Variants in SRGAP3 observed in about 807,000 individuals in gnomAD.
The protein encoded by SRGAP3 is SLIT-ROBO Rho GTPase activating protein 3.
SRGAP3 carries 39 observed loss-of-function variants against 121.1 expected under a neutral mutation model. That is an observed-to-expected ratio of 0.32 (90% CI 0.25 to 0.42). SRGAP3 has a LOEUF of 0.42. Among genes scored for constraint, SRGAP3 ranks in the 10% least tolerant of loss-of-function variants. The pLI, the probability that SRGAP3 is intolerant of heterozygous loss-of-function variation, is 1.00. For synonymous variants in SRGAP3, 601 were observed against 570.0 expected (o/e 1.05, Z -0.77); for missense variants, 1,213 against 1,470.6 (o/e 0.82, Z 2.86).
chr3:9,262,910 G>A (rs144136185), intron 3 of SRGAP3, among the ~76,000 whole-genome samples: 1 of 152,114 alleles, frequency 6.6e-6, no homozygotes, highest in Non-Finnish European at 1.5e-5. Flanking sequence ...CAAATCAACA[G>A]AGTATACATT....
In SRGAP3 at chr3:8,985,429, G is replaced by A. The variant is rs1941628934; in HGVS notation, c.*90C>T. ...GACGGACCTCTGCCCTCCAAGGCCA[G>A]GGTCACTGGGAAGCACGTGGAAGCC... On this transcript the variant is annotated 3_prime_UTR_variant, in exon 22 of 22. Coordinates refer to ENST00000383836, the MANE Select transcript of SRGAP3 (RefSeq NM_014850.4). The surrounding 1 kb of genome is among the most constrained non-coding windows in gnomAD (Gnocchi z 5.1). 6.4e-7 allele frequency: 1 copy of A among 1,573,050 alleles called. No homozygotes were observed. Among genetic ancestry groups the A allele is most frequent in the Non-Finnish European group, 8.6e-7 (1 of 1,166,872 alleles).
At chr3:9,216,727 C>T (rs1952644260) in intron 1 of SRGAP3, 1 of 152,796 alleles carries the variant, frequency 6.5e-6, no homozygotes, top group Non-Finnish European at 1.5e-5. Context: ...ACTGACAAGA[C>T]CGCAGCACAT....
At chr3:9,317,098 A>G (rs1312289929) in intron 3 of SRGAP3, among the ~76,000 whole-genome samples, 1 of 152,200 alleles carries the variant, frequency 6.6e-6, no homozygotes, top group African/African-American at 2.4e-5. Flanking sequence ...GAGGAAAAAG[A>G]AAAAGGGGCC....
At chr3:9,273,005 C>T (rs1248950285) in intron 3 of SRGAP3, among the ~76,000 whole-genome samples, 1 of 152,074 alleles carries the variant, frequency 6.6e-6, no homozygotes. Context: ...GCAGTGGTTC[C>T]CAACCTTTTT....
intron 14 of SRGAP3, among the ~76,000 whole-genome samples, chr3:9,020,015 G>A (rs1396051652): frequency 6.6e-6 from 1 of 152,172 alleles, no homozygotes; most frequent in Non-Finnish European, 1.5e-5. Context: ...TTGTACATAC[G>A]AACTCTCCTA....
At chr3:9,201,041 G>A (rs150905115) in intron 1 of SRGAP3, among the ~76,000 whole-genome samples, 197 of 152,300 alleles carry the variant, frequency 1.3e-3, no homozygotes, top group African/African-American at 4.4e-3. Flanking sequence ...CAATTCCAGA[G>A]GCCTCCCTCT....
chr3:9,319,326 G>A (rs1955402701), intron 3 of SRGAP3, among the ~76,000 whole-genome samples: 1 of 151,916 alleles, frequency 6.6e-6, no homozygotes, highest in Non-Finnish European at 1.5e-5. Context: ...GCCTGTCAGT[G>A]CAGAAGGTAT....
chr3:9,333,101 T>C (rs2648553), intron 1 of SRGAP3, among the ~76,000 whole-genome samples: 9,555 of 152,264 alleles, frequency 0.063, 568 homozygotes, highest in East Asian at 0.31. Context: ...TTATCACAGA[T>C]TAATCAAATT....
intron 1 of SRGAP3, among the ~76,000 whole-genome samples, chr3:9,206,159 T>C (rs1952259931): frequency 6.6e-6 from 1 of 152,136 alleles, no homozygotes; most frequent in African/African-American, 2.4e-5. Flanking sequence ...ATATTTAAAA[T>C]GAAGTAAATT....
intron 1 of SRGAP3, among the ~76,000 whole-genome samples, chr3:9,223,111 C>G (rs950234754): frequency 6.6e-6 from 1 of 152,210 alleles, no homozygotes; most frequent in African/African-American, 2.4e-5. Context: ...CAGAGGTCAG[C>G]AAACTACAGC....
chr3:9,281,558 T>C (rs1463274564), intron 3 of SRGAP3, among the ~76,000 whole-genome samples: 1 of 152,148 alleles, frequency 6.6e-6, no homozygotes, highest in Non-Finnish European at 1.5e-5. Flanking sequence ...ATTATTATTA[T>C]TATTACTATT....
chr3:9,276,424 G>A (rs980882150), intron 3 of SRGAP3, among the ~76,000 whole-genome samples: 2 of 120,438 alleles, frequency 1.7e-5, no homozygotes, highest in Non-Finnish European at 3.5e-5. Flanking sequence ...ATTTTTGACT[G>A]TTTGTTTTTT....
chr3:9,053,096 G>A lies in SRGAP3; in HGVS notation c.1254C>T (p.Thr418=), dbSNP rs1365524958. ...TESVKSAASE[T]YMSKINIAKR... is the part of the protein sequence containing the mutation. Reference sequence around the variant, plus strand: ...TGGCAATGTTGATCTTGCTCATGTAGGTCTCAGAGGCAGCCGACTTGACGG... The same window carrying A: ...TGGCAATGTTGATCTTGCTCATGTAAGTCTCAGAGGCAGCCGACTTGACGG... Residue 418 remains threonine, a synonymous_variant, in exon 9 of 22, where the codon ACC becomes ACT. Transcript: ENST00000383836. 2 of 1,614,050 alleles carry A rather than the reference G, an allele frequency of 1.2e-6. No homozygotes were observed. Among genetic ancestry groups the A allele is most frequent in the Non-Finnish European group, 1.7e-6 (2 of 1,180,048 alleles).
intron 12 of SRGAP3, among the ~76,000 whole-genome samples, chr3:9,031,939 A>C (rs1944504337): frequency 6.6e-6 from 1 of 152,114 alleles, no homozygotes; most frequent in Admixed American, 6.5e-5. Context: ...CCATCTTCTT[A>C]ATTTCCCTTG....
At chr3:9,255,291 G>C (rs868451841) in intron 3 of SRGAP3, among the ~76,000 whole-genome samples, 2 of 152,160 alleles carry the variant, frequency 1.3e-5, no homozygotes, top group African/African-American at 4.8e-5. Flanking sequence ...CACATGAAAT[G>C]TTAGCCCACC....
chr3:9,146,445 C>T (rs1950026191), intron 1 of SRGAP3, among the ~76,000 whole-genome samples: 1 of 152,162 alleles, frequency 6.6e-6, no homozygotes, highest in Admixed American at 6.5e-5. Flanking sequence ...CAGGTAACCC[C>T]AGCATCAATT....
intron 1 of SRGAP3, among the ~76,000 whole-genome samples, chr3:9,245,982 G>A (rs527834154): frequency 6.6e-5 from 10 of 152,252 alleles, no homozygotes; most frequent in East Asian, 3.9e-4. Context: ...GATAGACTAC[G>A]TGGGCTTGGG....
chr3:9,351,342 T>C (rs143978993), intron 1 of SRGAP3, among the ~76,000 whole-genome samples: 2 of 152,342 alleles, frequency 1.3e-5, no homozygotes, highest in Middle Eastern at 3.4e-3. Flanking sequence ...ATTTATGAGA[T>C]AGTCACCATT....
chr3:9,234,877 A>G (rs1240473809), intron 1 of SRGAP3, among the ~76,000 whole-genome samples: 2 of 152,206 alleles, frequency 1.3e-5, no homozygotes, highest in Non-Finnish European at 2.9e-5. Flanking sequence ...CCTTTGCCCT[A>G]GACAAGCCTC....
Sources: allele counts gnomAD v4.1 joint callset (sites outside exome capture counted in the v4.1 genomes callset), GRCh38; gene constraint gnomAD v4.1.1; non-coding constraint Gnocchi (gnomAD v3.1); transcripts MANE v1.5; gene names NCBI Gene and HGNC (gene_info 2026-07-23, HGNC 2026-07-21).